Variants in MICAL2 observed in about 807,000 individuals in gnomAD.
MICAL2 encodes the protein [F-actin]-monooxygenase MICAL2.
In MICAL2, 77 loss-of-function variants were observed where a neutral mutation model predicts 127.3. That is an observed-to-expected ratio of 0.60 (90% CI 0.50 to 0.73). The LOEUF (loss-of-function observed/expected upper bound fraction) is 0.73. MICAL2 is among the 30% of genes least tolerant of loss of function. The pLI, the probability that MICAL2 is intolerant of heterozygous loss-of-function variation, is 0.00. For missense variants in MICAL2, 1,351 were observed against 1,434.4 expected, an observed-to-expected ratio of 0.94 and a Z score of 0.94; for synonymous variants, 570 against 551.1, an observed-to-expected ratio of 1.03 and a Z score of -0.48.
At chr11:12,267,772 T>A (rs973117326), downstream of MICAL2, among the ~76,000 whole-genome samples, 1 of 152,124 alleles carries the variant, frequency 6.6e-6, no homozygotes, top group Non-Finnish European at 1.5e-5. Flanking sequence ...CAGCTAACTT[T>A]TGTATTTTTA....
chr11:12,224,612 G>A (rs574355437), intron 12 of MICAL2, 61 bp from the exon 13 acceptor site: 130 of 1,575,386 alleles, frequency 8.3e-5, no homozygotes, highest in Middle Eastern at 1.9e-4. Flanking sequence ...AGAAGGGAGC[G>A]CCAGGGCAGA....
At chr11:12,265,650 CAT>C (rs572020529), downstream of MICAL2, among the ~76,000 whole-genome samples, 693 of 152,266 alleles carry the variant, frequency 4.6e-3, 3 homozygotes, top group South Asian at 9.3e-3. Context: ...GGGCACCTCT[CAT>C]AGTGTAGATG....
intron 33 of MICAL2, among the ~76,000 whole-genome samples, chr11:12,353,253 G>A (rs914300019): frequency 1.3e-5 from 2 of 152,164 alleles, no homozygotes; most frequent in Non-Finnish European, 2.9e-5. Flanking sequence ...GTCAAACCCA[G>A]GAACCTAGTC....
intron 2 of MICAL2, among the ~76,000 whole-genome samples, chr11:12,283,796 C>A (rs1863796219): frequency 6.6e-6 from 1 of 152,200 alleles, no homozygotes; most frequent in South Asian, 2.1e-4. Flanking sequence ...ATTACATCCT[C>A]AAAGTTCACA....
intron 3 of MICAL2, among the ~76,000 whole-genome samples, chr11:12,175,640 A>C (rs1394177038): frequency 2.0e-5 from 3 of 151,958 alleles, no homozygotes; most frequent in Non-Finnish European, 2.9e-5. Context: ...TAGAAGATAC[A>C]GCAGGGCAGG....
At chr11:12,209,694 C>A in intron 6 of MICAL2, 96 bp downstream of exon 6, 1 of 1,110,710 alleles carries the variant, frequency 9.0e-7, no homozygotes, top group Non-Finnish European at 1.4e-6. Flanking sequence ...ATGCAGATGC[C>A]AGAGCTGGAT....
chr11:12,282,348 G>T (rs1863781635), intron 2 of MICAL2, among the ~76,000 whole-genome samples: 1 of 152,072 alleles, frequency 6.6e-6, no homozygotes, highest in Admixed American at 6.5e-5. Context: ...TTACTGCGTG[G>T]CCTTGGTGTA....
Position 12,313,167 on chromosome 11 carries a change from C to CAAAAA in MICAL2, c.5213-6512_5213-6508dup, listed in dbSNP as rs61207104. Among the ~76,000 whole-genome samples the CAAAAA allele has an allele frequency of 3.7e-3, 255 of 69,148 alleles. 13 individuals carry two copies. The highest frequency in any genetic ancestry group is 6.9e-3 in the African/African-American group (111 of 16,050). The allele number at this position is 69,148 out of a possible 152,430, so 45.4% of individuals were successfully genotyped here. ...TGGGCGACAGAGCAAGACTACATCTCAAAAAAAAAAAAAAAAAAAAAGATC... is the reference window on the plus strand; with the variant it reads ...TGGGCGACAGAGCAAGACTACATCTCAAAAAAAAAAAAAAAAAAAAAAAAAAGATC... On this transcript the variant is annotated intron_variant, in intron 29 of 34. Coordinates refer to the MICAL2 transcript ENST00000646065.
At chr11:12,298,469 C>T (rs1864011574) in intron 29 of MICAL2, among the ~76,000 whole-genome samples, 1 of 152,030 alleles carries the variant, frequency 6.6e-6, no homozygotes, top group African/African-American at 2.4e-5. Flanking sequence ...AAATTGTATA[C>T]CTCTGATTTA....
intron 1 of MICAL2, among the ~76,000 whole-genome samples, chr11:12,132,149 C>G (rs980782418): frequency 1.8e-4 from 27 of 152,188 alleles, no homozygotes; most frequent in African/African-American, 6.3e-4. Context: ...CTTCCTGAGT[C>G]CTGGCCCCTG....
intron 3 of MICAL2, among the ~76,000 whole-genome samples, chr11:12,200,337 C>T (rs1458764758): frequency 2.0e-5 from 3 of 152,220 alleles, no homozygotes; most frequent in African/African-American, 4.8e-5. Flanking sequence ...GAGGAAAGAG[C>T]TCCTTCGGGT....
chr11:12,181,379 A>G (rs573842855), intron 3 of MICAL2, among the ~76,000 whole-genome samples: 4 of 152,382 alleles, frequency 2.6e-5, no homozygotes, highest in African/African-American at 9.6e-5. Flanking sequence ...AAGTCCTGGT[A>G]CTATGAATCT....
exon 3 of MICAL2, chr11:12,287,190 G>T: frequency 2.5e-6 from 1 of 398,974 alleles, no homozygotes; most frequent in Non-Finnish European, 4.4e-6. Context: ...TCTGGGGGTG[G>T]GAGGCTGGGG....
At chr11:12,164,146 T>A (rs1855187104) in intron 3 of MICAL2, among the ~76,000 whole-genome samples, 1 of 152,086 alleles carries the variant, frequency 6.6e-6, no homozygotes, top group South Asian at 2.1e-4. Flanking sequence ...GGCCAGCCTC[T>A]ATTTTACAAG....
At chr11:12,345,116 C>CAAAAAAAAAAAAAAAAAAA (rs796748173) in intron 32 of MICAL2, among the ~76,000 whole-genome samples, 2 of 110,536 alleles carry the variant, frequency 1.8e-5, no homozygotes, top group African/African-American at 3.5e-5. Flanking sequence ...GAATCCATCT[C>CAAAAAAAAAAAAAAAAAAA]AAAAAAAAAA....
chr11:12,222,809 A>G, intron 11 of MICAL2, 66 bp downstream of exon 11: 1 of 1,587,450 alleles, frequency 6.3e-7, no homozygotes, highest in South Asian at 1.1e-5. Context: ...GGTGGTGGGG[A>G]GGGGGTCACA....
intron 1 of MICAL2, among the ~76,000 whole-genome samples, chr11:12,111,368 C>T (rs539002839): frequency 6.6e-6 from 1 of 152,146 alleles, no homozygotes; most frequent in East Asian, 1.9e-4. Context: ...CCCAGGAGCA[C>T]CCCCGCAGGG....
intron 16 of MICAL2, among the ~76,000 whole-genome samples, chr11:12,236,984 G>T (rs751804920): frequency 6.6e-6 from 1 of 152,180 alleles, no homozygotes; most frequent in Non-Finnish European, 1.5e-5. Flanking sequence ...ATAATACATT[G>T]ATATCTGATT....
intron 32 of MICAL2, among the ~76,000 whole-genome samples, chr11:12,346,329 G>A (rs1250272514): frequency 6.6e-6 from 1 of 152,152 alleles, no homozygotes. Context: ...ACTGGGATAA[G>A]GGCTTTGTGT....
Sources: gnomAD v4.1 joint callset for allele counts (sites outside exome capture counted in the v4.1 genomes callset) on GRCh38, gnomAD v4.1.1 for gene constraint, MANE v1.5 for transcripts, NCBI Gene and HGNC (gene_info 2026-07-23, HGNC 2026-07-21) for gene names.